ARHGAP15: variants seen among roughly 807,000 people sequenced by gnomAD.
The protein encoded by ARHGAP15 is rho GTPase-activating protein 15.
ARHGAP15 carries 51 observed loss-of-function variants against 63.7 expected under a neutral mutation model. That is an observed-to-expected ratio of 0.80 (90% CI 0.64 to 1.01). The LOEUF is 1.01. ARHGAP15 is among the 50% of genes least tolerant of loss of function. The probability of loss-of-function intolerance (pLI) is 0.00; values close to 1 mark genes in which losing one functional copy is unlikely to be tolerated. For missense variants in ARHGAP15, 560 were observed against 564.6 expected, an observed-to-expected ratio of 0.99 and a Z score of 0.08; for synonymous variants, 191 against 193.8, an observed-to-expected ratio of 0.99 and a Z score of 0.12.
At chr2:143,732,641 A>G (rs555592805) in intron 13 of ARHGAP15, among the ~76,000 whole-genome samples, 1 of 152,266 alleles carries the variant, frequency 6.6e-6, no homozygotes, top group South Asian at 2.1e-4. Flanking sequence ...AGGTGTTTAA[A>G]TAATACAGGT....
At chr2:143,344,895 T>C (rs931212698) in intron 6 of ARHGAP15, among the ~76,000 whole-genome samples, 3 of 152,052 alleles carry the variant, frequency 2.0e-5, no homozygotes, top group Non-Finnish European at 2.9e-5. Flanking sequence ...ATATAACTAA[T>C]GAGGAAGGCT....
At chr2:143,586,594 C>G (rs1697117816) in intron 11 of ARHGAP15, among the ~76,000 whole-genome samples, 1 of 151,778 alleles carries the variant, frequency 6.6e-6, no homozygotes, top group Non-Finnish European at 1.5e-5. Context: ...CCACTAATTT[C>G]CTGAGCTCTA....
At chr2:143,229,287 C>T (rs757980643) in intron 5 of ARHGAP15, among the ~76,000 whole-genome samples, 1 of 152,124 alleles carries the variant, frequency 6.6e-6, no homozygotes, top group Non-Finnish European at 1.5e-5. Context: ...CTAACTGTGA[C>T]GTTCACTATA....
chr2:143,637,146 G>T (rs959940138), intron 12 of ARHGAP15, among the ~76,000 whole-genome samples: 3 of 152,062 alleles, frequency 2.0e-5, no homozygotes, highest in Non-Finnish European at 4.4e-5. Flanking sequence ...CACATTGAGG[G>T]TTAGGGCTTC....
intron 4 of ARHGAP15, among the ~76,000 whole-genome samples, chr2:143,217,850 A>T (rs988730288): frequency 2.2e-4 from 33 of 152,306 alleles, no homozygotes; most frequent in Middle Eastern, 3.4e-3. Flanking sequence ...ACTAGAGCTG[A>T]GTAGGAGAAT....
At chr2:143,502,826 C>A (rs1360027956) in intron 9 of ARHGAP15, among the ~76,000 whole-genome samples, 1 of 152,148 alleles carries the variant, frequency 6.6e-6, no homozygotes, top group Non-Finnish European at 1.5e-5. Context: ...GTGATCCACC[C>A]ACCTCAACCT....
intron 11 of ARHGAP15, chr2:143,598,052 T>G (rs1697593922): frequency 6.6e-6 from 1 of 152,136 alleles, no homozygotes; most frequent in African/African-American, 2.4e-5. Flanking sequence ...CTCCCCAAAG[T>G]CTCCACCTTC....
intron 2 of ARHGAP15, among the ~76,000 whole-genome samples, chr2:143,192,895 C>T (rs183195021): frequency 6.6e-6 from 1 of 152,318 alleles, no homozygotes; most frequent in Admixed American, 6.5e-5. Context: ...GATGCCACTG[C>T]TATCTATGAG....
At chr2:143,673,783 T>TATATATATATAA (rs1331843273) in intron 12 of ARHGAP15, among the ~76,000 whole-genome samples, 1 of 121,130 alleles carries the variant, frequency 8.3e-6, no homozygotes, top group Non-Finnish European at 1.8e-5. Flanking sequence ...TATATATATA[T>TATATATATATAA]AAACAACTCC....
chr2:143,180,151 G>C (rs1460723186), intron 2 of ARHGAP15, among the ~76,000 whole-genome samples: 1 of 152,172 alleles, frequency 6.6e-6, no homozygotes, highest in South Asian at 2.1e-4. Context: ...ATGTGTTGCT[G>C]TTTGACAGCA....
chr2:143,199,416 T>C (rs934215161), intron 2 of ARHGAP15, among the ~76,000 whole-genome samples: 1 of 152,174 alleles, frequency 6.6e-6, no homozygotes, highest in African/African-American at 2.4e-5. Context: ...TTCTCTTAAG[T>C]ATAAAATTAT....
At chr2:143,572,404 A>G (rs1460156978) in intron 11 of ARHGAP15, among the ~76,000 whole-genome samples, 2 of 151,654 alleles carry the variant, frequency 1.3e-5, no homozygotes, top group Non-Finnish European at 2.9e-5. Context: ...CATCTTCCCC[A>G]TTCCTCTCTC....
intron 11 of ARHGAP15, among the ~76,000 whole-genome samples, chr2:143,566,760 C>A (rs1259444445): frequency 6.6e-6 from 1 of 152,156 alleles, no homozygotes; most frequent in Middle Eastern, 3.2e-3. Context: ...AGTCAGGTCA[C>A]CTTCTCAGGA....
intron 5 of ARHGAP15, among the ~76,000 whole-genome samples, chr2:143,248,472 C>T (rs868352849): frequency 1.3e-5 from 2 of 152,190 alleles, no homozygotes; most frequent in Non-Finnish European, 2.9e-5. Flanking sequence ...TTAAGGGCTG[C>T]ATCATGGTTA....
intron 11 of ARHGAP15, among the ~76,000 whole-genome samples, chr2:143,612,566 A>T (rs1167806240): frequency 6.6e-6 from 1 of 152,178 alleles, no homozygotes; most frequent in African/African-American, 2.4e-5. Context: ...CATTCCACAC[A>T]TTGTGTTCAT....
chr2:143,249,758 G>A (rs1055535124), intron 5 of ARHGAP15, among the ~76,000 whole-genome samples: 3 of 152,060 alleles, frequency 2.0e-5, no homozygotes, highest in Admixed American at 1.3e-4. Flanking sequence ...ATTGATTATT[G>A]TGAATTATTG....
intron 6 of ARHGAP15, among the ~76,000 whole-genome samples, chr2:143,388,354 C>T (rs1687388921): frequency 6.6e-6 from 1 of 152,086 alleles, no homozygotes; most frequent in Non-Finnish European, 1.5e-5. Context: ...TGAAAAGCTG[C>T]AAAAGAAATC....
At chr2:143,561,830 T>A (rs1347041405) in intron 11 of ARHGAP15, among the ~76,000 whole-genome samples, 1 of 152,126 alleles carries the variant, frequency 6.6e-6, no homozygotes, top group Admixed American at 6.5e-5. Context: ...AGAAACAAAA[T>A]TTGAAGAAAA....
intron 13 of ARHGAP15, among the ~76,000 whole-genome samples, chr2:143,719,573 T>G (rs538470945): frequency 6.6e-6 from 1 of 152,300 alleles, no homozygotes; most frequent in African/African-American, 2.4e-5. Context: ...CATTTCCAAC[T>G]GCCATTCCAG....
Sources: allele counts gnomAD v4.1 joint callset (sites outside exome capture counted in the v4.1 genomes callset), GRCh38; gene constraint gnomAD v4.1.1; transcripts MANE v1.5; gene names NCBI Gene and HGNC (gene_info 2026-07-23, HGNC 2026-07-21).